ZNF385D: variants seen among roughly 807,000 people sequenced by gnomAD.
ZNF385D encodes the protein zinc finger protein 385D, also known as zinc finger protein 659.
Under a neutral mutation model 35.8 loss-of-function variants are expected in ZNF385D, and 15 were observed. That is an observed-to-expected ratio of 0.42 (90% confidence interval 0.28 to 0.64). The LOEUF is 0.64. Ranked by LOEUF, ZNF385D falls within the 30% of genes least tolerant of loss-of-function variation. The probability of loss-of-function intolerance (pLI) is 0.23; values close to 1 mark genes in which losing one functional copy is unlikely to be tolerated. For missense variants in ZNF385D, 474 were observed against 494.6 expected (o/e 0.96, Z 0.39); for synonymous variants, 212 against 186.8 (o/e 1.13, Z -1.10).
intron 3 of ZNF385D, among the ~76,000 whole-genome samples, chr3:21,796,837 C>G (rs1030949903): frequency 1.1e-4 from 16 of 152,156 alleles, no homozygotes; most frequent in Non-Finnish European, 2.4e-4. Context: ...CTCACAGACA[C>G]TGAACTCAGT....
intron 3 of ZNF385D, among the ~76,000 whole-genome samples, chr3:21,787,944 C>CA (rs560982379): frequency 2.4e-4 from 18 of 75,380 alleles, no homozygotes; most frequent in African/African-American, 2.8e-4. Context: ...TTCGTCTCAA[C>CA]AAAAAAAAAA....
At chr3:21,627,516 C>CTATT (rs2065170394) in intron 2 of ZNF385D, among the ~76,000 whole-genome samples, 1 of 152,118 alleles carries the variant, frequency 6.6e-6, no homozygotes, top group Non-Finnish European at 1.5e-5. Context: ...GATCAAGTGT[C>CTATT]TATTTCTCAC....
At chr3:21,568,606 G>A (rs936994133) in intron 2 of ZNF385D, among the ~76,000 whole-genome samples, 4 of 152,236 alleles carry the variant, frequency 2.6e-5, no homozygotes, top group South Asian at 2.1e-4. Flanking sequence ...GTAGAAAGTC[G>A]AGGTACTACA....
chr3:21,527,847 T>C (rs1231137000), intron 3 of ZNF385D, among the ~76,000 whole-genome samples: 1 of 152,208 alleles, frequency 6.6e-6, no homozygotes, highest in Non-Finnish European at 1.5e-5. Flanking sequence ...ATACAAATCA[T>C]TTTCATGGAT....
intron 3 of ZNF385D, among the ~76,000 whole-genome samples, chr3:21,913,689 G>A (rs1173503072): frequency 6.6e-6 from 1 of 152,072 alleles, no homozygotes; most frequent in East Asian, 1.9e-4. Context: ...ATCAAATTCA[G>A]ATGAAAGTAT....
chr3:21,920,175 C>G (rs932453915), intron 3 of ZNF385D, among the ~76,000 whole-genome samples: 1 of 152,178 alleles, frequency 6.6e-6, no homozygotes, highest in Non-Finnish European at 1.5e-5. Flanking sequence ...TATGTACCAT[C>G]TGGCCATTTA....
intron 4 of ZNF385D, among the ~76,000 whole-genome samples, chr3:21,463,399 C>T (rs73131564): frequency 0.032 from 4,852 of 152,224 alleles, 251 homozygotes; most frequent in African/African-American, 0.11. Context: ...AGAAAAACTA[C>T]TAATTACTTA....
intron 3 of ZNF385D, among the ~76,000 whole-genome samples, chr3:22,146,888 T>A (rs1161792399): frequency 3.3e-5 from 5 of 152,162 alleles, no homozygotes; most frequent in African/African-American, 1.2e-4. Context: ...GAAACATATT[T>A]GGGAAGTGTA....
At chr3:21,532,698 A>C (rs915972436) in intron 3 of ZNF385D, among the ~76,000 whole-genome samples, 1 of 151,276 alleles carries the variant, frequency 6.6e-6, no homozygotes, top group Non-Finnish European at 1.5e-5. Context: ...AAAAAAACAG[A>C]TCTAGTAACT....
rs568838113 is a variant in ZNF385D at position 21,786,209 on chromosome 3, C to G, written c.326-121181G>C. ...CTTTTCTAGGATTCCTCACGAAGGA[C>G]TTTATAAGCTTCTCTAAGTGCTAAT... On this transcript the variant is annotated intron_variant, in intron 3 of 5. Coordinates refer to the ZNF385D transcript ENST00000494108. Among the ~76,000 whole-genome samples, 7 of 152,220 alleles carry G rather than the reference C, an allele frequency of 4.6e-5. No individual in the cohort carries two copies. The South Asian group carries it at 1.5e-3, about 32-fold the overall frequency.
chr3:21,998,237 C>A (rs945984758), intron 3 of ZNF385D, among the ~76,000 whole-genome samples: 9 of 152,080 alleles, frequency 5.9e-5, no homozygotes, highest in African/African-American at 2.2e-4. Flanking sequence ...AGGCAGCAAT[C>A]CATGAGTGCT....
At position 21,681,568 on chromosome 3, in the gene ZNF385D, TA is replaced by T. The variant is rs1480390542; in HGVS notation, c.23-16541del. On this transcript the variant is annotated intron_variant, in intron 1 of 7. Transcript: ENST00000281523. ...ATCTGTTTTACCAAAAGCACAAATA[TA>T]CATCACAGTTAAAGTGGGTAGAAGG... Among the ~76,000 whole-genome samples, 4 of 151,332 alleles carry T rather than the reference TA, an allele frequency of 2.6e-5. No homozygotes were observed. The East Asian group carries it at 7.8e-4, about 29-fold the overall frequency.
chr3:22,195,557 A>G (rs1229634373), intron 2 of ZNF385D, among the ~76,000 whole-genome samples: 1 of 152,026 alleles, frequency 6.6e-6, no homozygotes, highest in Non-Finnish European at 1.5e-5. Context: ...TTATAGTTTT[A>G]CATTTTGAAA....
chr3:22,295,536 A>C (rs1379807513), intron 2 of ZNF385D, among the ~76,000 whole-genome samples: 29 of 152,192 alleles, frequency 1.9e-4, no homozygotes. Flanking sequence ...TCAGAAAGTC[A>C]CAATGGGACA....
At chr3:22,236,025 G>C (rs567586104) in intron 2 of ZNF385D, among the ~76,000 whole-genome samples, 1 of 152,068 alleles carries the variant, frequency 6.6e-6, no homozygotes, top group Admixed American at 6.6e-5. Flanking sequence ...AAGAATCATT[G>C]CAACATTGAT....
chr3:22,114,841 T>G (rs1255952282), intron 3 of ZNF385D, among the ~76,000 whole-genome samples: 1 of 152,008 alleles, frequency 6.6e-6, no homozygotes, highest in Admixed American at 6.6e-5. Flanking sequence ...TGAGGACTTT[T>G]GTGAATGGGA....
In ZNF385D at chr3:21,757,905, G is replaced by A. The variant is rs138951357; in HGVS notation, c.326-92877C>T. On this transcript the variant is annotated intron_variant, in intron 3 of 5. Transcript: ENST00000494108. ...ATGGTGTCTGAAACATAGGAGACATGCCATAAATATATGTTGAGTGAATAA... is the reference window on the plus strand; with the variant it reads ...ATGGTGTCTGAAACATAGGAGACATACCATAAATATATGTTGAGTGAATAA... Among the ~76,000 whole-genome samples the A allele has an allele frequency of 6.6e-3, 1,010 of 152,254 alleles. 42 individuals carry two copies. The highest frequency in any genetic ancestry group is 0.058 in the Admixed American group (887 of 15,288).
intron 3 of ZNF385D, among the ~76,000 whole-genome samples, chr3:21,914,981 A>C (rs1211106706): frequency 1.3e-5 from 2 of 152,020 alleles, no homozygotes; most frequent in East Asian, 3.9e-4. Flanking sequence ...CACGAGGAAA[A>C]GTTTGTGACT....
chr3:22,294,955 G>T (rs535416862), intron 2 of ZNF385D, among the ~76,000 whole-genome samples: 10 of 152,042 alleles, frequency 6.6e-5, no homozygotes, highest in African/African-American at 2.4e-4. Flanking sequence ...AGGACCAGGG[G>T]TATAACTATC....
Sources: allele counts gnomAD v4.1 joint callset (sites outside exome capture counted in the v4.1 genomes callset), GRCh38; gene constraint gnomAD v4.1.1; transcripts MANE v1.5; gene names NCBI Gene and HGNC (gene_info 2026-07-23, HGNC 2026-07-21).